The following STARD13 variants were observed in gnomAD, a reference collection of about 807,000 sequenced individuals.
The protein encoded by STARD13 is StAR related lipid transfer domain containing 13.
A neutral mutation model predicts 106.4 loss-of-function variants in STARD13; 62 were observed. The ratio of observed to expected loss-of-function variants is 0.58; its 90% CI spans 0.48 to 0.72. The LOEUF is 0.72. STARD13 is among the 30% of genes least tolerant of loss of function. STARD13 has a pLI of 0.00. For missense variants in STARD13, 1,387 were observed against 1,424.0 expected (o/e 0.97, Z 0.42); for synonymous variants, 565 against 553.0 (o/e 1.02, Z -0.31).
chr13:33,288,925 T>C (rs925858358), upstream of STARD13, among the ~76,000 whole-genome samples: 5 of 152,248 alleles, frequency 3.3e-5, no homozygotes, highest in African/African-American at 9.6e-5. Flanking sequence ...GAAACTTGTA[T>C]TTTTTAAATA....
At chr13:33,651,958 C>T in the STARD13 span, among the ~76,000 whole-genome samples, 1 of 152,176 alleles carries the variant, frequency 6.6e-6, no homozygotes, top group Non-Finnish European at 1.5e-5. Flanking sequence ...TGGCGAATAT[C>T]AACAAGTGAC....
At chr13:33,178,160 C>T (rs1884891146) in intron 1 of STARD13, among the ~76,000 whole-genome samples, 1 of 152,128 alleles carries the variant, frequency 6.6e-6, no homozygotes, top group Admixed American at 6.5e-5. Flanking sequence ...GCTAAGTATA[C>T]TATCTATTTT....
downstream of STARD13, among the ~76,000 whole-genome samples, chr13:33,344,103 G>A (rs996945139): frequency 6.6e-6 from 1 of 151,968 alleles, no homozygotes; most frequent in African/African-American, 2.4e-5. Flanking sequence ...GGACTGCACA[G>A]TGAAATCTTC....
the STARD13 span, among the ~76,000 whole-genome samples, chr13:33,640,351 T>C: frequency 6.6e-6 from 1 of 152,222 alleles, no homozygotes; most frequent in Non-Finnish European, 1.5e-5. Context: ...AAATAGCCTG[T>C]AATTGGAATA....
chr13:33,594,472 T>A, the STARD13 span, among the ~76,000 whole-genome samples: 1 of 152,214 alleles, frequency 6.6e-6, no homozygotes, highest in East Asian at 1.9e-4. Flanking sequence ...ATTAAAATAT[T>A]TGGGTTACTT....
the STARD13 span, among the ~76,000 whole-genome samples, chr13:33,486,789 A>T: frequency 6.6e-6 from 1 of 152,190 alleles, no homozygotes; most frequent in Non-Finnish European, 1.5e-5. Context: ...TGCAGAAAGA[A>T]AAGCAGTGCC....
chr13:33,496,095 AAAT>A, the STARD13 span, among the ~76,000 whole-genome samples: 2 of 142,388 alleles, frequency 1.4e-5, no homozygotes, highest in Non-Finnish European at 3.0e-5. Context: ...TATATTAACT[AAAT>A]AATTATTTAA....
chr13:33,674,796 C>T, the STARD13 span, among the ~76,000 whole-genome samples: 3 of 152,100 alleles, frequency 2.0e-5, no homozygotes, highest in Non-Finnish European at 2.9e-5. Flanking sequence ...TGTTTCCCCC[C>T]TATTATTCCT....
At chr13:33,132,790 A>G (rs542083869) in intron 4 of STARD13, among the ~76,000 whole-genome samples, 1 of 152,360 alleles carries the variant, frequency 6.6e-6, no homozygotes, top group Non-Finnish European at 1.5e-5. Flanking sequence ...CTGATGAAAG[A>G]GTTTAGAAAG....
intron 3 of STARD13, among the ~76,000 whole-genome samples, chr13:33,155,857 C>A (rs1881890406): frequency 6.6e-6 from 1 of 152,156 alleles, no homozygotes; most frequent in Non-Finnish European, 1.5e-5. Flanking sequence ...TGCAAGAACC[C>A]ACTTCCTAGT....
At chr13:33,512,267 A>C in the STARD13 span, among the ~76,000 whole-genome samples, 1 of 152,192 alleles carries the variant, frequency 6.6e-6, no homozygotes, top group African/African-American at 2.4e-5. Context: ...GATTAAAGTG[A>C]TATCTACATG....
chr13:33,379,498 A>C, the STARD13 span, among the ~76,000 whole-genome samples: 1 of 152,298 alleles, frequency 6.6e-6, no homozygotes, highest in South Asian at 2.1e-4. Context: ...TTTGACATTT[A>C]ATAGGACTTA....
rs765684140 is a variant in STARD13, at chr13:33,167,547, G to A, written c.241+4C>T. 2.5e-6 allele frequency: 4 copies of A among 1,613,752 alleles called. No individual in the cohort carries two copies. The highest frequency in any genetic ancestry group is 1.7e-5 in the Admixed American group (1 of 60,032). ...TGTAAGAGCGAAGCGAAGGGCTGAC[G>A]TACCCTCATATAACTGAGCGTATTG... On this transcript the variant is annotated splice_donor_region_variant and intron_variant, in intron 2 of 13. Transcript: ENST00000336934.
At chr13:33,265,980 T>A (rs952246838) in intron 1 of STARD13, among the ~76,000 whole-genome samples, 4 of 152,314 alleles carry the variant, frequency 2.6e-5, no homozygotes, top group African/African-American at 9.6e-5. Flanking sequence ...CCCGAAAAGT[T>A]ATGGAGCTAT....
chr13:33,180,933 A>T (rs1242039095), intron 1 of STARD13, among the ~76,000 whole-genome samples: 1 of 152,210 alleles, frequency 6.6e-6, no homozygotes, highest in Non-Finnish European at 1.5e-5. Context: ...TTTTTTAAAA[A>T]ATTTAGATGA....
the STARD13 span, among the ~76,000 whole-genome samples, chr13:33,507,030 G>A: frequency 6.6e-6 from 1 of 152,128 alleles, no homozygotes; most frequent in African/African-American, 2.4e-5. Context: ...GAGCTTGGGA[G>A]GTCAAGGCTG....
chr13:33,260,372 G>C (rs555723833), intron 1 of STARD13, among the ~76,000 whole-genome samples: 1 of 152,354 alleles, frequency 6.6e-6, no homozygotes, highest in South Asian at 2.1e-4. Context: ...GCTCGCTGCA[G>C]CTCACAGTGG....
intron 8 of STARD13, among the ~76,000 whole-genome samples, chr13:33,116,079 T>G (rs188525160): frequency 6.6e-6 from 1 of 152,294 alleles, no homozygotes; most frequent in African/African-American, 2.4e-5. Context: ...CCCCAATGCT[T>G]AATGAATCAA....
rs367614112 is a variant in STARD13 at position 33,165,340 on chromosome 13, C to T, written c.320G>A (p.Cys107Tyr). 1 of 1,610,816 alleles carries T rather than the reference C, an allele frequency of 6.2e-7. No individual in the cohort carries two copies. The highest frequency in any genetic ancestry group is 8.5e-7 in the Non-Finnish European group (1 of 1,177,038). Residue 107 changes from cysteine (C) to tyrosine (Y), a missense_variant, in exon 3 of 14, where the codon TGC (cysteine) becomes TAC (tyrosine). Cys to Tyr is a radical substitution (Grantham distance 194). Coordinates refer to ENST00000336934, the MANE Select transcript of STARD13 (RefSeq NM_178006.4). ...AAAAATACTTCACATGGTTTACCTG[C>T]AAAGAGGTTCTACAAGGTCCTTTTC... ...FLEKDLVEPL[C>Y]RRLNTLNKCA...
Sources: gnomAD v4.1 joint callset for allele counts (sites outside exome capture counted in the v4.1 genomes callset) on GRCh38, gnomAD v4.1.1 for gene constraint, MANE v1.5 for transcripts, NCBI Gene and HGNC (gene_info 2026-07-23, HGNC 2026-07-21) for gene names.